The following MACF1 variants were observed in gnomAD, a reference collection of about 807,000 sequenced individuals.
The protein encoded by MACF1 is microtubule actin crosslinking factor 1, also known as microtubule-actin cross-linking factor 1.
In MACF1, 193 loss-of-function variants were observed where a neutral mutation model predicts 854.8. The ratio of observed to expected loss-of-function variants is 0.23; its 90% CI spans 0.20 to 0.25. The LOEUF is 0.25. Among genes scored for constraint, MACF1 ranks in the 10% least tolerant of loss-of-function variants. MACF1 has a pLI of 1.00. For synonymous variants in MACF1, 3,185 were observed against 3,226.7 expected (o/e 0.99, Z 0.44); for missense variants, 7,722 against 8,929.1 (o/e 0.86, Z 5.45).
intron 2 of MACF1, among the ~76,000 whole-genome samples, chr1:39,093,862 A>C (rs1173301775): frequency 6.6e-6 from 1 of 151,718 alleles, no homozygotes. Flanking sequence ...AACTTGGCTC[A>C]CTGCAACCTC....
At chr1:39,139,950 TTTTTTTTTTTTAA>T (rs1233158680) in intron 2 of MACF1, among the ~76,000 whole-genome samples, 1 of 151,700 alleles carries the variant, frequency 6.6e-6, no homozygotes, top group East Asian at 1.9e-4. Context: ...CTAAATCTTT[TTTTTTTTTTTTAA>T]TTTTTTTTAG....
chr1:39,263,209 G>T (rs1048618046), intron 6 of MACF1, among the ~76,000 whole-genome samples: 1 of 152,138 alleles, frequency 6.6e-6, no homozygotes, highest in Non-Finnish European at 1.5e-5. Context: ...GAATAATGAT[G>T]TACCTGTAGA....
intron 64 of MACF1, among the ~76,000 whole-genome samples, chr1:39,429,551 A>G (rs191283374): frequency 4.6e-5 from 7 of 152,276 alleles, no homozygotes; most frequent in Admixed American, 3.9e-4. Flanking sequence ...CCTCTCCTTC[A>G]GTATCTTGAA....
intron 97 of MACF1, among the ~76,000 whole-genome samples, chr1:39,470,952 T>C (rs563993927): frequency 6.6e-6 from 1 of 152,316 alleles, no homozygotes; most frequent in Admixed American, 6.5e-5. Context: ...GCTTTGTCCT[T>C]ATCTTAGTAT....
chr1:39,190,188 G>A (rs1644233090), intron 2 of MACF1, among the ~76,000 whole-genome samples: 1 of 151,950 alleles, frequency 6.6e-6, no homozygotes, highest in Non-Finnish European at 1.5e-5. Context: ...CATTCTTGTT[G>A]AAAATTTTTG....
At chr1:39,428,679 T>C (rs953766800) in intron 63 of MACF1, among the ~76,000 whole-genome samples, 2 of 152,234 alleles carry the variant, frequency 1.3e-5, no homozygotes, top group African/African-American at 4.8e-5. Context: ...TAAAAAACTT[T>C]TAGGATATTT....
chr1:39,394,239 T>TTTGA (rs57627120), intron 58 of MACF1, among the ~76,000 whole-genome samples: 9,022 of 149,644 alleles, frequency 0.06, 329 homozygotes, highest in African/African-American at 0.092. Context: ...AACGCCTTCA[T>TTTGA]TTGATTGATT....
intron 58 of MACF1, among the ~76,000 whole-genome samples, chr1:39,415,526 T>A (rs889933379): frequency 1.8e-4 from 23 of 125,992 alleles, no homozygotes; most frequent in African/African-American, 7.5e-4. Flanking sequence ...ATATATATAA[T>A]TTTTTTTTTT....
At chr1:39,424,609 G>T (rs1312692743) in intron 61 of MACF1, among the ~76,000 whole-genome samples, 1 of 152,096 alleles carries the variant, frequency 6.6e-6, no homozygotes, top group Non-Finnish European at 1.5e-5. Flanking sequence ...AGTAATATTA[G>T]ATTTTTTTGC....
rs74949976 is a variant in MACF1 at position 39,254,605 on chromosome 1, C to G, written c.435+230C>G. 5.3e-3 allele frequency: 2,396 copies of G among 448,660 alleles called. 9 individuals are homozygous for G. Among genetic ancestry groups the G allele is most frequent in the Non-Finnish European group, 7.1e-3 (1,807 of 253,046 alleles). The allele number at this position is 448,660 out of a possible 1,614,324, so 27.8% of individuals were successfully genotyped here. On this transcript the variant is annotated intron_variant, in intron 5 of 100. Coordinates refer to ENST00000564288, the MANE Select transcript of MACF1 (RefSeq NM_001394062.1). ...GAGGAAGAATGTTCACGGAGAAGAA[C>G]ATGATGATAAAGATGGAATTTTGTG... is the stretch of plus-strand genomic sequence containing the variant.
At chr1:39,151,203 A>G (rs1289520037) in intron 2 of MACF1, among the ~76,000 whole-genome samples, 1 of 152,202 alleles carries the variant, frequency 6.6e-6, no homozygotes, top group East Asian at 1.9e-4. Context: ...CTCTTTGTCC[A>G]TACACCCTAC....
In MACF1 at chr1:39,251,860, G is replaced by A. The variant is rs1320174843; in HGVS notation, c.276G>A (p.Leu92=). 1 of 1,488,532 alleles carries A rather than the reference G, an allele frequency of 6.7e-7. No individual in the cohort carries two copies. The allele number at this position is 1,488,532 out of a possible 1,614,324, so 92.2% of individuals were successfully genotyped here. Residue 92 remains leucine (L), a synonymous_variant, in exon 4 of 101, where the codon CTG becomes CTA. Coordinates refer to ENST00000564288, the MANE Select transcript of MACF1 (RefSeq NM_001394062.1). ...GGTGGCCAAAGGAGCCAGCAGGGCT[G>A]AAGACCCTCCGTCTGGTGAGCATGC... The part of the protein sequence containing the change: ...LSGIKLEPAG[L]KTLRLVSMPS...
chr1:39,390,843 C>T (rs975985016), intron 58 of MACF1, among the ~76,000 whole-genome samples: 8 of 152,098 alleles, frequency 5.3e-5, no homozygotes, highest in Non-Finnish European at 8.8e-5. Context: ...TGCGGTGGCT[C>T]ACGCCTGTAA....
intron 2 of MACF1, among the ~76,000 whole-genome samples, chr1:39,109,015 A>G (rs1642325361): frequency 6.6e-6 from 1 of 152,212 alleles, no homozygotes; most frequent in Non-Finnish European, 1.5e-5. Flanking sequence ...ACAGAGGGTT[A>G]CAAGTGAAGA....
intron 2 of MACF1, among the ~76,000 whole-genome samples, chr1:39,245,915 A>G (rs946574245): frequency 5.9e-5 from 9 of 152,146 alleles, no homozygotes; most frequent in African/African-American, 2.2e-4. Context: ...ATTAATTTAT[A>G]ATCTGATTTT....
At chr1:39,137,289 C>T (rs925370713) in intron 2 of MACF1, among the ~76,000 whole-genome samples, 2 of 152,188 alleles carry the variant, frequency 1.3e-5, no homozygotes, top group Non-Finnish European at 2.9e-5. Context: ...AGGCTGGTCT[C>T]GAACTTCTGG....
intron 41 of MACF1, among the ~76,000 whole-genome samples, chr1:39,347,544 C>T (rs1219416758): frequency 6.6e-6 from 1 of 152,174 alleles, no homozygotes; most frequent in Admixed American, 6.5e-5. Context: ...CCTTTCCCTA[C>T]TTTACTTTCT....
At chr1:39,430,982 TA>T (rs766958259) in intron 66 of MACF1, 74 bp downstream of exon 66, 30 of 1,294,008 alleles carry the variant, frequency 2.3e-5, no homozygotes, top group Middle Eastern at 2.6e-4. Context: ...ATGACCCACA[TA>T]AATACAGACT....
chr1:39,373,635 T>A (rs1649449488), intron 52 of MACF1, among the ~76,000 whole-genome samples: 1 of 151,398 alleles, frequency 6.6e-6, no homozygotes, highest in South Asian at 2.1e-4. Context: ...GGCTGATCAC[T>A]TGAGGTCGGG....
Sources: gnomAD v4.1 joint callset for allele counts (sites outside exome capture counted in the v4.1 genomes callset) on GRCh38, gnomAD v4.1.1 for gene constraint, MANE v1.5 for transcripts, NCBI Gene and HGNC (gene_info 2026-07-23, HGNC 2026-07-21) for gene names.